IL22RA2: variants seen among roughly 807,000 people sequenced by gnomAD.
IL22RA2 encodes the protein interleukin-22 receptor subunit alpha-2.
IL22RA2 carries 39 observed loss-of-function variants against 30.7 expected under a neutral mutation model. The observed-to-expected ratio is 1.27, with a 90% CI of 0.98 to 1.66. The LOEUF (loss-of-function observed/expected upper bound fraction) is 1.66, where lower values mean the gene tolerates loss of function less well. Ranked by LOEUF, IL22RA2 falls within the 40% of genes most tolerant of loss-of-function variation. The pLI is 0.00. For missense variants in IL22RA2, 315 were observed against 312.7 expected, an observed-to-expected ratio of 1.01 and a Z score of -0.05; for synonymous variants, 103 against 105.0, an observed-to-expected ratio of 0.98 and a Z score of 0.11.
intron 1 of IL22RA2, among the ~76,000 whole-genome samples, chr6:137,171,897 C>T (rs370165627): frequency 1.3e-5 from 2 of 152,226 alleles, no homozygotes; most frequent in African/African-American, 4.8e-5. Context: ...CTTCTGAATC[C>T]AGGCTTGTAT....
intron 6 of IL22RA2, 97 bp from the exon 7 acceptor site, chr6:137,145,870 A>G (rs1039674429): frequency 7.1e-6 from 9 of 1,266,522 alleles, no homozygotes; most frequent in Non-Finnish European, 1.0e-5. Flanking sequence ...TGGTCACAGC[A>G]GTAGATGGGT....
At chr6:137,173,084 A>T (rs1177918881) in intron 1 of IL22RA2, among the ~76,000 whole-genome samples, 1 of 152,246 alleles carries the variant, frequency 6.6e-6, no homozygotes, top group South Asian at 2.1e-4. Flanking sequence ...TTTATCTACA[A>T]GATGTGGCCA....
At chr6:137,171,482 G>A (rs1778732985) in intron 1 of IL22RA2, among the ~76,000 whole-genome samples, 1 of 152,234 alleles carries the variant, frequency 6.6e-6, no homozygotes, top group Non-Finnish European at 1.5e-5. Context: ...GTTGGGTGCT[G>A]CTGATGTGGA....
chr6:137,173,222 A>T (rs1021951540), intron 1 of IL22RA2, among the ~76,000 whole-genome samples, 191 bp downstream of exon 1: 10 of 152,184 alleles, frequency 6.6e-5, no homozygotes, highest in Non-Finnish European at 1.3e-4. Context: ...AAATACAAAA[A>T]TTAGCCAGGC....
At chr6:137,165,753 G>C (rs1562274061) in intron 1 of IL22RA2, among the ~76,000 whole-genome samples, 1 of 152,144 alleles carries the variant, frequency 6.6e-6, no homozygotes, top group Non-Finnish European at 1.5e-5. Flanking sequence ...CTTTATACCA[G>C]AAGGGCACAT....
chr6:137,154,932 G>A lies in IL22RA2; in HGVS notation c.472+9C>T, dbSNP rs776145168. ...AAGAACAAGGGCAAAGAAACTCCAT[G>A]GAACTCACTTTCCCACCAGGGAGTG... On this transcript the variant is annotated intron_variant, in intron 5 of 6. Coordinates refer to ENST00000296980, the MANE Select transcript of IL22RA2 (RefSeq NM_052962.3). 3 of 1,613,354 alleles carry A rather than the reference G, an allele frequency of 1.9e-6. No individual in the cohort carries two copies. The Admixed American group carries it at 5.0e-5, about 27-fold the overall frequency.
chr6:137,149,386 A>C (rs1052192997), intron 5 of IL22RA2, among the ~76,000 whole-genome samples: 1 of 152,204 alleles, frequency 6.6e-6, no homozygotes, highest in African/African-American at 2.4e-5. Flanking sequence ...ATTACCTTGC[A>C]TCCCACCAAA....
At chr6:137,163,099 G>A (rs754607218) in intron 1 of IL22RA2, among the ~76,000 whole-genome samples, 2 of 152,208 alleles carry the variant, frequency 1.3e-5, no homozygotes, top group Admixed American at 1.3e-4. Flanking sequence ...GTGAGTTCCT[G>A]CATGACTGCA....
Position 137,158,392 on chromosome 6 carries a change from C to T in IL22RA2, c.152G>A (p.Arg51Lys), listed in dbSNP as rs761705086. ...FHNILQWQPG[R>K]ALTGNSSVYF... ...GACACTGCTGTTGCCAGTAAGTGCC[C>T]TCCCAGGCTGCCATTGCAAAATGTT... The change falls in exon 3 of 7, where the codon AGG becomes AAG. Residue 51 changes from arginine to lysine, a missense_variant. Arg to Lys is a conservative substitution (Grantham distance 26). Coordinates refer to ENST00000296980, the MANE Select transcript of IL22RA2 (RefSeq NM_052962.3). 2 of 1,614,162 alleles carry T rather than the reference C, an allele frequency of 1.2e-6. No homozygotes were observed. Among genetic ancestry groups the T allele is most frequent in the East Asian group, 4.5e-5 (2 of 44,878 alleles).
rs764330915 is a variant in IL22RA2, at chr6:137,155,012, C to A, written c.401G>T (p.Arg134Met). ...GCTCCCAGCCGAGGCCGCCCTCACC[C>A]TCCCGTAATAAGGTTCCTGTATGTC... Reference protein sequence around the residue: ...TSDIQEPYYGRVRAASAGSYS... With the variant: ...TSDIQEPYYGMVRAASAGSYS... The change falls in exon 5 of 7, where the codon AGG (arginine) becomes ATG (methionine). Residue 134 changes from arginine to methionine, a missense_variant. Transcript: ENST00000296980. 1.2e-6 allele frequency: 2 copies of A among 1,613,968 alleles called. No individual in the cohort carries two copies. Among genetic ancestry groups the A allele is most frequent in the African/African-American group, 1.3e-5 (1 of 74,920 alleles).
intron 1 of IL22RA2, among the ~76,000 whole-genome samples, chr6:137,170,827 G>T (rs1024910921): frequency 2.0e-5 from 3 of 152,082 alleles, no homozygotes; most frequent in African/African-American, 7.2e-5. Context: ...TGACGTACAG[G>T]CAGGACTTAT....
rs1323127766 is a variant in IL22RA2, at chr6:137,145,768, T to C, written c.648A>G (p.Gln216=). The C allele has an allele frequency of 6.2e-7, 1 of 1,613,928 alleles. No individual in the cohort carries two copies. Among genetic ancestry groups the C allele is most frequent in the Admixed American group, 1.7e-5 (1 of 59,984 alleles). The part of the protein sequence containing the change: ...FIINNSLEKE[Q]KVYEGAHRAV... Reference sequence around the variant, plus strand: ...CTCTGTGAGCCCCTTCATAAACCTTTTGCTCCTACACACGAGAGAGAAAAT... The same window carrying C: ...CTCTGTGAGCCCCTTCATAAACCTTCTGCTCCTACACACGAGAGAGAAAAT... Residue 216 remains glutamine, a synonymous_variant, in exon 7 of 7, where the codon CAA becomes CAG. Transcript: ENST00000296980.
chr6:137,172,479 A>G (rs1778760115), intron 1 of IL22RA2, among the ~76,000 whole-genome samples: 1 of 152,256 alleles, frequency 6.6e-6, no homozygotes, highest in Admixed American at 6.5e-5. Context: ...AAAAGATAAA[A>G]TTAAATTCTA....
chr6:137,172,363 T>C (rs1198176488), intron 1 of IL22RA2, among the ~76,000 whole-genome samples: 1 of 152,212 alleles, frequency 6.6e-6, no homozygotes. Flanking sequence ...TGGTGCTCTA[T>C]TAAATTTCAC....
At chr6:137,164,384 G>C (rs2114388853) in intron 1 of IL22RA2, among the ~76,000 whole-genome samples, 1 of 152,304 alleles carries the variant, frequency 6.6e-6, no homozygotes, top group East Asian at 1.9e-4. Context: ...CCCTCCCTAA[G>C]TGGCTGCAGG....
intron 1 of IL22RA2, among the ~76,000 whole-genome samples, chr6:137,171,308 A>C (rs571260326): frequency 6.6e-6 from 1 of 152,352 alleles, no homozygotes; most frequent in East Asian, 1.9e-4. Context: ...ACTTCTATTC[A>C]TCTAACCTTC....
At chr6:137,166,223 C>T (rs192782447) in intron 1 of IL22RA2, among the ~76,000 whole-genome samples, 121 of 152,306 alleles carry the variant, frequency 7.9e-4, no homozygotes, top group Admixed American at 4.2e-3. Context: ...TGCCCTCTGC[C>T]GGCCGGAACT....
intron 2 of IL22RA2, 133 bp from the exon 3 acceptor site, chr6:137,158,615 G>T: frequency 1.2e-6 from 1 of 833,494 alleles, no homozygotes; most frequent in Non-Finnish European, 1.9e-6. Flanking sequence ...TAGAGGTGGA[G>T]CCCAGAAATC....
intron 1 of IL22RA2, among the ~76,000 whole-genome samples, chr6:137,169,308 A>G (rs1418555260): frequency 6.6e-6 from 1 of 152,218 alleles, no homozygotes; most frequent in Non-Finnish European, 1.5e-5. Context: ...TGCAGTTCCC[A>G]ACACTAAATC....
Sources: gnomAD v4.1 joint callset for allele counts (sites outside exome capture counted in the v4.1 genomes callset) on GRCh38, gnomAD v4.1.1 for gene constraint, MANE v1.5 for transcripts, NCBI Gene and HGNC (gene_info 2026-07-23, HGNC 2026-07-21) for gene names.